KIF13A: variants seen among roughly 807,000 people sequenced by gnomAD.
The protein encoded by KIF13A is kinesin family member 13A.
A neutral mutation model predicts 212.2 loss-of-function variants in KIF13A; 79 were observed. The ratio of observed to expected loss-of-function variants is 0.37; its 90% CI spans 0.31 to 0.45. The LOEUF is 0.45. KIF13A is among the 20% of genes least tolerant of loss of function. The pLI is 1.00. For synonymous variants in KIF13A, 789 were observed against 808.6 expected, an observed-to-expected ratio of 0.98 and a Z score of 0.41; for missense variants, 1,901 against 2,209.0, an observed-to-expected ratio of 0.86 and a Z score of 2.79.
intron 32 of KIF13A, 137 bp from the exon 33 acceptor site, chr6:17,779,236 CATATATATATATAT>C (rs149719669): frequency 3.1e-5 from 8 of 254,936 alleles, no homozygotes; most frequent in African/African-American, 9.4e-5. Flanking sequence ...TTTAAAGTAG[CATATATATATATAT>C]ATATATATTT....
Position 17,783,632 on chromosome 6 carries a change from A to C in KIF13A, c.3544+14T>G. The stretch of plus-strand genomic sequence containing the variant: ...TAAATACAATAATCCCTGTGACTTT[A>C]AGTGTCTACTTACCATTCAAATCGA... On this transcript the variant is annotated intron_variant, in intron 29 of 38. Coordinates refer to ENST00000259711, the MANE Select transcript of KIF13A (RefSeq NM_022113.6). The surrounding 1 kb of genome is among the most constrained non-coding windows in gnomAD (Gnocchi z 4.3). 1 of 1,523,030 alleles carries C rather than the reference A, an allele frequency of 6.6e-7. No individual in the cohort carries two copies. The allele number at this position is 1,523,030 out of a possible 1,614,324, so 94.3% of individuals were successfully genotyped here.
Position 17,785,431 on chromosome 6 carries a change from T to A in KIF13A, c.3488+84A>T, listed in dbSNP as rs1760969102. 2.2e-6 allele frequency: 3 copies of A among 1,388,456 alleles called. No homozygotes were observed. Among genetic ancestry groups the A allele is most frequent in the Non-Finnish European group, 2.8e-6 (3 of 1,056,922 alleles). The allele number at this position is 1,388,456 out of a possible 1,614,324, so 86.0% of individuals were successfully genotyped here. A position where few individuals can be genotyped will look rare whatever the true frequency, so the allele number is the denominator to read the frequency against. On this transcript the variant is annotated intron_variant, in intron 28 of 38. Coordinates refer to ENST00000259711, the MANE Select transcript of KIF13A (RefSeq NM_022113.6). The surrounding 1 kb of genome is among the most constrained non-coding windows in gnomAD (Gnocchi z 5.8). Reference sequence around the variant, plus strand: ...AGCTGGTTGGCATTTTCTGTGACAATCCTGGAAAGTCTCTTGCATGGCTCT... The same window carrying A: ...AGCTGGTTGGCATTTTCTGTGACAAACCTGGAAAGTCTCTTGCATGGCTCT...
At chr6:17,904,237 G>A (rs1451506224) in intron 2 of KIF13A, among the ~76,000 whole-genome samples, 4 of 152,112 alleles carry the variant, frequency 2.6e-5, no homozygotes, top group African/African-American at 7.2e-5. Flanking sequence ...GAAGGCTGAG[G>A]TGGGTGGATC....
In KIF13A at chr6:17,776,871, G is replaced by A. The variant is rs1760029571; in HGVS notation, c.4170+406C>T. 1.3e-5 allele frequency among the ~76,000 whole-genome samples: 2 copies of A among 152,166 alleles called. No individual in the cohort carries two copies. Among genetic ancestry groups the A allele is most frequent in the African/African-American group, 4.8e-5 (2 of 41,434 alleles). On this transcript the variant is annotated intron_variant, in intron 34 of 38. Coordinates refer to ENST00000259711, the MANE Select transcript of KIF13A (RefSeq NM_022113.6). The surrounding 1 kb of genome is among the most constrained non-coding windows in gnomAD (Gnocchi z 4.6). Reference sequence around the variant, plus strand: ...CTAGGGACTCCAAGAGTGCCTACATGCAGTGGCTGACTCCTTATCACACTG... The same window carrying A: ...CTAGGGACTCCAAGAGTGCCTACATACAGTGGCTGACTCCTTATCACACTG...
At position 17,849,947 on chromosome 6, in the gene KIF13A, T is replaced by A. The variant is rs1297626288; in HGVS notation, c.717+376A>T. On this transcript the variant is annotated intron_variant, in intron 8 of 38. Coordinates refer to ENST00000259711, the MANE Select transcript of KIF13A (RefSeq NM_022113.6). The surrounding 1 kb of genome is among the most constrained non-coding windows in gnomAD (Gnocchi z 5.7). ...ATATATATTAAAAGCTGTATGGTGATGTCATCACACTTGTTAGGGACTTTG... is the reference window on the plus strand; with the variant it reads ...ATATATATTAAAAGCTGTATGGTGAAGTCATCACACTTGTTAGGGACTTTG... Among the ~76,000 whole-genome samples the A allele has an allele frequency of 6.6e-6, 1 of 152,242 alleles. No individual in the cohort carries two copies. The highest frequency in any genetic ancestry group is 2.4e-5 in the African/African-American group (1 of 41,476).
In KIF13A at chr6:17,963,621, A is replaced by T. The variant is rs1779044422; in HGVS notation, c.146+23433T>A. ...CGCCTAGGCTGGAGTGCTGCGCGTG[A>T]TCGCAGCTTACTGCAACCTCCGCCT... On this transcript the variant is annotated intron_variant, in intron 2 of 38. Coordinates refer to ENST00000259711, the MANE Select transcript of KIF13A (RefSeq NM_022113.6). The surrounding 1 kb of genome is among the most constrained non-coding windows in gnomAD (Gnocchi z 4.1). Among the ~76,000 whole-genome samples the T allele has an allele frequency of 1.3e-5, 2 of 152,306 alleles. No homozygotes were observed. The highest frequency in any genetic ancestry group is 4.1e-4 in the South Asian group (2 of 4,828).
At chr6:17,949,299 T>C (rs568010533) in intron 2 of KIF13A, among the ~76,000 whole-genome samples, 1 of 152,218 alleles carries the variant, frequency 6.6e-6, no homozygotes, top group Non-Finnish European at 1.5e-5. Context: ...ACAAAGCATG[T>C]GACCAATGGC....
rs775587225 is a variant in KIF13A at position 17,779,651 on chromosome 6, G to C, written c.3880C>G (p.Leu1294Val). The C allele has an allele frequency of 6.6e-7, 1 of 1,516,528 alleles. No individual in the cohort carries two copies. Among genetic ancestry groups the C allele is most frequent in the Non-Finnish European group, 9.1e-7 (1 of 1,099,828 alleles). The allele number at this position is 1,516,528 out of a possible 1,614,324, so 93.9% of individuals were successfully genotyped here. ...FTQSLKRRISLKNIFYSCGVT... is the reference protein window; with the variant it reads ...FTQSLKRRISVKNIFYSCGVT... ...CCACAGGAATAAAATATATTTTTCAGGGATATTCTCCTCTTCAAACTCTGC... is the reference window on the plus strand; with the variant it reads ...CCACAGGAATAAAATATATTTTTCACGGATATTCTCCTCTTCAAACTCTGC... The change falls in exon 32 of 39, where the codon CTG becomes GTG. Residue 1294 changes from leucine (L) to valine (V), a missense_variant. Physicochemically the swap from Leu to Val is conservative, Grantham distance 32. This residue lies in a region of KIF13A where 687 missense variants were observed against 759.1 expected (regional missense o/e 0.90). Transcript: ENST00000259711.
At chr6:17,804,566 A>T in intron 19 of KIF13A, 56 bp from the exon 20 acceptor site, 1 of 1,404,104 alleles carries the variant, frequency 7.1e-7, no homozygotes, top group East Asian at 2.6e-5. Context: ...CATCAATTTA[A>T]ATAATATTAT....
intron 17 of KIF13A, among the ~76,000 whole-genome samples, chr6:17,815,860 C>T (rs934698494): frequency 2.7e-5 from 4 of 150,618 alleles, no homozygotes; most frequent in Admixed American, 6.6e-5. Flanking sequence ...TTTGAGAGTT[C>T]TGATATAAGT....
At chr6:17,964,934 C>T (rs577720284) in intron 2 of KIF13A, among the ~76,000 whole-genome samples, 1 of 151,936 alleles carries the variant, frequency 6.6e-6, no homozygotes, top group Non-Finnish European at 1.5e-5. Context: ...GCGATTCTCC[C>T]GCCTCAGCCT....
In KIF13A at chr6:17,961,696, G is replaced by A. The variant is rs1581867707; in HGVS notation, c.146+25358C>T. Among the ~76,000 whole-genome samples the A allele has an allele frequency of 6.6e-6, 1 of 152,140 alleles. No homozygotes were observed. Among genetic ancestry groups the A allele is most frequent in the African/African-American group, 2.4e-5 (1 of 41,430 alleles). On this transcript the variant is annotated intron_variant, in intron 2 of 38. Coordinates refer to ENST00000259711, the MANE Select transcript of KIF13A (RefSeq NM_022113.6). The surrounding 1 kb of genome is among the most constrained non-coding windows in gnomAD (Gnocchi z 4.1). The stretch of plus-strand genomic sequence containing the variant: ...GCTTGTTTTCTTCTTATATACAATT[G>A]TATAACAGTTATTTTCCTGTTTGCA...
At position 17,781,188 on chromosome 6, in the gene KIF13A, T is replaced by A; in HGVS notation, c.3658A>T (p.Ser1220Cys). The A allele has an allele frequency of 6.2e-7, 1 of 1,613,936 alleles. No individual in the cohort carries two copies. Among genetic ancestry groups the A allele is most frequent in the Non-Finnish European group, 8.5e-7 (1 of 1,179,848 alleles). The change falls in exon 30 of 39, where the codon AGT becomes TGT. Residue 1220 changes from serine to cysteine, a missense_variant. By Grantham distance (112) the Ser-to-Cys change is moderately radical (BLOSUM62 -1). This residue lies in a region of KIF13A where 687 missense variants were observed against 759.1 expected (regional missense o/e 0.90). Coordinates refer to ENST00000259711, the MANE Select transcript of KIF13A (RefSeq NM_022113.6). ...TGGGGGTTAATTACCTCATCATCAC[T>A]GTGCTTTATGATGGGCAGGTAGAAA... Reference protein sequence around the residue: ...QFFYLPIIKHSDDEVSATASW... With the variant: ...QFFYLPIIKHCDDEVSATASW...
At chr6:17,782,143 G>A (rs1195026409) in intron 29 of KIF13A, among the ~76,000 whole-genome samples, 4 of 151,346 alleles carry the variant, frequency 2.6e-5, no homozygotes, top group Middle Eastern at 3.6e-3. Flanking sequence ...CACCGCGTTG[G>A]CCAGGATGGT....
Position 17,856,166 on chromosome 6 carries a change from T to A in KIF13A, c.221-44A>T. 1 of 1,326,150 alleles carries A rather than the reference T, an allele frequency of 7.5e-7. No individual in the cohort carries two copies. The highest frequency in any genetic ancestry group is 1.1e-6 in the Non-Finnish European group (1 of 935,002). The allele number at this position is 1,326,150 out of a possible 1,614,324, so 82.1% of individuals were successfully genotyped here. On this transcript the variant is annotated intron_variant, in intron 4 of 38. Coordinates refer to ENST00000259711, the MANE Select transcript of KIF13A (RefSeq NM_022113.6). The surrounding 1 kb of genome is among the most constrained non-coding windows in gnomAD (Gnocchi z 4.5). ...ATTAAAAACTAATAAAAAGAATAAT[T>A]TTTCTTGACATATTTGTGTTAGTAA...
At chr6:17,931,654 G>T (rs968241399) in intron 2 of KIF13A, among the ~76,000 whole-genome samples, 7 of 152,106 alleles carry the variant, frequency 4.6e-5, no homozygotes, top group African/African-American at 1.7e-4. Flanking sequence ...CCTGGTAAGT[G>T]GGACTTCAGG....
In KIF13A at chr6:17,771,116, T is replaced by C. The variant is rs1561950741; in HGVS notation, c.4579A>G (p.Ile1527Val). The change falls in exon 38 of 39, where the codon ATT becomes GTT. Residue 1527 changes from isoleucine (I) to valine (V), a missense_variant and splice_region_variant. Transcript: ENST00000259711. This position sits in a 1 kb window ranked among gnomAD's most constrained non-coding sequence, Gnocchi z 5.4. ...VEHNSKREKK[I>V]DSEEEENELE... Reference sequence around the variant, plus strand: ...ACAGAAATGGTTCCGGAACTTACAATCTTCTTCTCACGTTTGCTATTGTGT... The same window carrying C: ...ACAGAAATGGTTCCGGAACTTACAACCTTCTTCTCACGTTTGCTATTGTGT... 6.2e-7 allele frequency: 1 copy of C among 1,606,046 alleles called. No individual in the cohort carries two copies. Among genetic ancestry groups the C allele is most frequent in the Non-Finnish European group, 8.5e-7 (1 of 1,173,782 alleles).
In KIF13A at chr6:17,773,112, G is replaced by C. The variant is rs563375071; in HGVS notation, c.4324+366C>G. ...AAACTGCTTTATGAATCAAAGTCAT[G>C]TTCTTTTAAAAATTCCTTTGAGTAC... On this transcript the variant is annotated intron_variant, in intron 36 of 38. Transcript: ENST00000259711. This position sits in a 1 kb window ranked among gnomAD's most constrained non-coding sequence, Gnocchi z 4.2. 6.6e-6 allele frequency among the ~76,000 whole-genome samples: 1 copy of C among 152,270 alleles called. No homozygotes were observed. The highest frequency in any genetic ancestry group is 2.4e-5 in the African/African-American group (1 of 41,544).
At chr6:17,798,856 T>C (rs1040472685) in intron 22 of KIF13A, among the ~76,000 whole-genome samples, 4 of 152,194 alleles carry the variant, frequency 2.6e-5, no homozygotes, top group Non-Finnish European at 4.4e-5. Context: ...ATCAGATGTA[T>C]AGCAACTTAC....
Sources: gnomAD v4.1 joint callset for allele counts (sites outside exome capture counted in the v4.1 genomes callset) on GRCh38, gnomAD v4.1.1 for gene constraint, gnomAD v4.1.1 regional missense constraint, Gnocchi (gnomAD v3.1) non-coding constraint, MANE v1.5 for transcripts, NCBI Gene and HGNC (gene_info 2026-07-23, HGNC 2026-07-21) for gene names.